Variants in SUGP1 observed in about 807,000 individuals in gnomAD.
The protein encoded by SUGP1 is SURP and G-patch domain containing 1.
In SUGP1, 34 loss-of-function variants were observed where a neutral mutation model predicts 76.5. The ratio of observed to expected loss-of-function variants is 0.44; its 90% confidence interval spans 0.34 to 0.59. SUGP1 has a LOEUF of 0.59. Among genes scored for constraint, SUGP1 ranks in the 20% least tolerant of loss-of-function variants. The pLI is 0.01. For missense variants in SUGP1, 752 were observed against 851.7 expected (o/e 0.88, Z 1.46); for synonymous variants, 326 against 326.2 (o/e 1.00, Z 0.01).
At chr19:19,311,027 G>A (rs1047590039) in intron 2 of SUGP1, among the ~76,000 whole-genome samples, 1 of 151,678 alleles carries the variant, frequency 6.6e-6, no homozygotes, top group Non-Finnish European at 1.5e-5. Flanking sequence ...CTGCAGGCAT[G>A]TGCCACTCTG....
chr19:19,320,407 A>T, intron 1 of SUGP1, 56 bp downstream of exon 1: 1 of 1,584,484 alleles, frequency 6.3e-7, no homozygotes, highest in South Asian at 1.1e-5. Context: ...GAGTCAGGGG[A>T]GACACCTAGC....
At chr19:19,278,872 C>T in intron 10 of SUGP1, 76 bp from the exon 11 acceptor site, 2 of 1,473,432 alleles carry the variant, frequency 1.4e-6, no homozygotes, top group African/African-American at 1.4e-5. Flanking sequence ...TCCCAGGGCA[C>T]AGGTATGAGG....
chr19:19,309,988 G>T, intron 3 of SUGP1, 109 bp downstream of exon 3: 1 of 740,508 alleles, frequency 1.4e-6, no homozygotes, highest in South Asian at 1.5e-5. Flanking sequence ...GGCGATCTAT[G>T]ATTACCGGTG....
chr19:19,291,889 T>TCTCACACACA (rs1279126542), intron 8 of SUGP1, among the ~76,000 whole-genome samples: 10 of 128,710 alleles, frequency 7.8e-5, no homozygotes, highest in Non-Finnish European at 1.1e-4. Flanking sequence ...TGAGACTCTG[T>TCTCACACACA]CACACACACA....
chr19:19,287,034 G>A (rs1354866627), intron 8 of SUGP1, among the ~76,000 whole-genome samples: 1 of 152,216 alleles, frequency 6.6e-6, no homozygotes, highest in African/African-American at 2.4e-5. Context: ...CAGTACTTTG[G>A]AAGGCTGAGG....
At chr19:19,320,277 G>A (rs575261331) in intron 1 of SUGP1, among the ~76,000 whole-genome samples, 186 bp downstream of exon 1, 1 of 152,210 alleles carries the variant, frequency 6.6e-6, no homozygotes, top group Non-Finnish European at 1.5e-5. Flanking sequence ...CAAACCAAGC[G>A]GGGGCGGCCA....
chr19:19,280,208 T>C lies in SUGP1; in HGVS notation c.1327A>G (p.Lys443Glu), dbSNP rs1427437991. ...GVTELSDAQKKQLKEQQEMQQ... is the reference protein window; with the variant it reads ...GVTELSDAQKEQLKEQQEMQQ... The stretch of plus-strand genomic sequence containing the variant: ...ACCTCCTGCTGCTCCTTCAGCTGCT[T>C]CTTCTGGGCGTCTGAAAGCTCTGTG... The change falls in exon 9 of 14, where the codon AAG (lysine) becomes GAG (glutamate). Residue 443 changes from lysine to glutamate, a missense_variant. Physicochemically the swap from Lys to Glu is moderately conservative, Grantham distance 56. Coordinates refer to ENST00000247001, the MANE Select transcript of SUGP1 (RefSeq NM_172231.4). The C allele has an allele frequency of 1.9e-6, 3 of 1,613,832 alleles. No homozygotes were observed. The highest frequency in any genetic ancestry group is 1.7e-5 in the Admixed American group (1 of 60,002).
intron 8 of SUGP1, among the ~76,000 whole-genome samples, chr19:19,286,713 G>A (rs1267951015): frequency 6.6e-6 from 1 of 151,834 alleles, no homozygotes; most frequent in East Asian, 1.9e-4. Flanking sequence ...CAAATCTCTT[G>A]TCTCTATAAA....
intron 8 of SUGP1, among the ~76,000 whole-genome samples, chr19:19,283,446 T>A (rs1325297707): frequency 6.6e-6 from 1 of 151,390 alleles, no homozygotes; most frequent in African/African-American, 2.4e-5. Flanking sequence ...GCTAGTTTTT[T>A]TTTTTCCTTC....
At chr19:19,316,829 T>C (rs563707488) in intron 1 of SUGP1, among the ~76,000 whole-genome samples, 2 of 151,950 alleles carry the variant, frequency 1.3e-5, no homozygotes, top group Non-Finnish European at 2.9e-5. Flanking sequence ...GGGAAGACAA[T>C]AGACCCATAA....
At position 19,297,149 on chromosome 19, in the gene SUGP1, G is replaced by A. The variant is rs757855736; in HGVS notation, c.1083C>T (p.Pro361=). ...TTCPASSTPA[P]TIIPAPAAPG... ...GGGCAGCTGGAGCAGGGATGATAGTGGGCGCAGGCGTGGACGAGGCGGGGC... is the reference window on the plus strand; with the variant it reads ...GGGCAGCTGGAGCAGGGATGATAGTAGGCGCAGGCGTGGACGAGGCGGGGC... The change falls in exon 8 of 14, where the codon CCC becomes CCT. Residue 361 remains proline, a synonymous_variant. Coordinates refer to ENST00000247001, the MANE Select transcript of SUGP1 (RefSeq NM_172231.4). 1 of 1,613,854 alleles carries A rather than the reference G, an allele frequency of 6.2e-7. No homozygotes were observed.
intron 3 of SUGP1, among the ~76,000 whole-genome samples, chr19:19,309,109 C>T (rs1301978410): frequency 6.6e-6 from 1 of 151,974 alleles, no homozygotes; most frequent in African/African-American, 2.4e-5. Flanking sequence ...TCAGGTGATC[C>T]GCCTGTCTCG....
At chr19:19,288,986 A>C (rs551425436) in intron 8 of SUGP1, among the ~76,000 whole-genome samples, 6 of 151,796 alleles carry the variant, frequency 4.0e-5, no homozygotes, top group African/African-American at 1.4e-4. Context: ...GAGTTTCACC[A>C]TGTTGGTCAG....
chr19:19,281,760 G>A (rs2061100744), intron 8 of SUGP1, among the ~76,000 whole-genome samples: 2 of 152,140 alleles, frequency 1.3e-5, no homozygotes, highest in Non-Finnish European at 2.9e-5. Flanking sequence ...TGCATAGTGG[G>A]GCACCATATG....
chr19:19,303,952 T>C, intron 4 of SUGP1, 105 bp from the exon 5 acceptor site: 2 of 1,598,408 alleles, frequency 1.3e-6, no homozygotes, highest in Non-Finnish European at 1.7e-6. Context: ...GGGAGAAGAG[T>C]GTGAGATGCA....
At chr19:19,303,041 C>T (rs1008691405) in intron 6 of SUGP1, among the ~76,000 whole-genome samples, 5 of 152,178 alleles carry the variant, frequency 3.3e-5, no homozygotes, top group African/African-American at 1.2e-4. Context: ...AACCAACAAG[C>T]AAAAGCCCCC....
rs528058877 is a variant in SUGP1 at position 19,280,099 on chromosome 19, C to A, written c.1350+86G>T. Reference sequence around the variant, plus strand: ...ACAGGAGCTTGGCGAAGCACATGAACCCCTGTGACCGCTGCACCCGGGGGT... The same window carrying A: ...ACAGGAGCTTGGCGAAGCACATGAAACCCTGTGACCGCTGCACCCGGGGGT... On this transcript the variant is annotated intron_variant, in intron 9 of 13. Coordinates refer to ENST00000247001, the MANE Select transcript of SUGP1 (RefSeq NM_172231.4). 5.6e-5 allele frequency: 74 copies of A among 1,311,404 alleles called. No individual in the cohort carries two copies. In the South Asian group the frequency reaches 8.8e-4, roughly 16 times the overall value. The allele number at this position is 1,311,404 out of a possible 1,614,324, so 81.2% of individuals were successfully genotyped here.
At chr19:19,316,663 C>A (rs1305065781) in intron 1 of SUGP1, 70 bp from the exon 2 acceptor site, 3 of 1,536,082 alleles carry the variant, frequency 2.0e-6, no homozygotes, top group Non-Finnish European at 2.7e-6. Context: ...CTGTGACAGG[C>A]CAGAGAGCAA....
At chr19:19,309,921 A>T (rs1056029163) in intron 3 of SUGP1, among the ~76,000 whole-genome samples, 176 bp downstream of exon 3, 7 of 152,152 alleles carry the variant, frequency 4.6e-5, no homozygotes, top group Admixed American at 1.3e-4. Flanking sequence ...CAAAAAAAAA[A>T]TTATTTATGT....
Sources: gnomAD v4.1 joint callset for allele counts (sites outside exome capture counted in the v4.1 genomes callset) on GRCh38, gnomAD v4.1.1 for gene constraint, MANE v1.5 for transcripts, NCBI Gene and HGNC (gene_info 2026-07-23, HGNC 2026-07-21) for gene names.